Variants in WDR7 observed in about 807,000 individuals in gnomAD.
The protein encoded by WDR7 is WD repeat domain 7.
Under a neutral mutation model 169.4 loss-of-function variants are expected in WDR7, and 46 were observed. That is an observed-to-expected ratio of 0.27 (90% CI 0.21 to 0.35). WDR7 has a LOEUF of 0.35. Among genes scored for constraint, WDR7 ranks in the 10% least tolerant of loss-of-function variants. The pLI is 1.00. For synonymous variants in WDR7, 612 were observed against 666.8 expected (o/e 0.92, Z 1.27); for missense variants, 1,534 against 1,859.3 (o/e 0.83, Z 3.22).
intron 26 of WDR7, among the ~76,000 whole-genome samples, chr18:56,979,758 A>C (rs1447867967): frequency 6.7e-6 from 1 of 150,258 alleles, no homozygotes; most frequent in Non-Finnish European, 1.5e-5. Context: ...ATTTCTATTT[A>C]ATTATTATGA....
chr18:56,690,848 G>A (rs2025551788), intron 7 of WDR7, among the ~76,000 whole-genome samples: 1 of 151,792 alleles, frequency 6.6e-6, no homozygotes, highest in Non-Finnish European at 1.5e-5. Flanking sequence ...ACTAGACATA[G>A]AAATAAAACA....
chr18:57,022,232 G>C (rs2048303072), intron 27 of WDR7, among the ~76,000 whole-genome samples: 1 of 152,100 alleles, frequency 6.6e-6, no homozygotes. Flanking sequence ...TTTTTTTGGG[G>C]TCCCCCCCGC....
intron 7 of WDR7, 86 bp downstream of exon 7, chr18:56,687,060 C>T: frequency 7.8e-7 from 1 of 1,280,518 alleles, no homozygotes; most frequent in Non-Finnish European, 1.1e-6. Context: ...TAAAGAAGTA[C>T]TTGGTGCAAG....
At chr18:56,673,460 T>C (rs2025178937) in intron 2 of WDR7, among the ~76,000 whole-genome samples, 1 of 152,166 alleles carries the variant, frequency 6.6e-6, no homozygotes, top group Non-Finnish European at 1.5e-5. Flanking sequence ...TCTTAGTACG[T>C]TCATAAAGTT....
rs907472871 is a variant in WDR7 at position 56,673,650 on chromosome 18, A to G, written c.159+976A>G. On this transcript the variant is annotated intron_variant, in intron 2 of 27. Coordinates refer to ENST00000254442, the MANE Select transcript of WDR7 (RefSeq NM_015285.3). ...GGAGTTTGAGACCAGCCTGGGCAAC[A>G]TGGTGAAACCCCATCTCTACTGAAA... 3.3e-5 allele frequency among the ~76,000 whole-genome samples: 5 copies of G among 151,986 alleles called. No individual in the cohort carries two copies. In the South Asian group the frequency reaches 1.0e-3, roughly 32 times the overall value.
At chr18:56,903,663 G>A (rs374754903) in intron 21 of WDR7, among the ~76,000 whole-genome samples, 5 of 151,848 alleles carry the variant, frequency 3.3e-5, no homozygotes, top group African/African-American at 7.3e-5. Flanking sequence ...CAAGTGATGC[G>A]CACTCCTCGG....
chr18:56,797,078 G>A (rs528417139), intron 19 of WDR7, among the ~76,000 whole-genome samples: 2 of 152,264 alleles, frequency 1.3e-5, no homozygotes, highest in South Asian at 4.1e-4. Flanking sequence ...GATCCTGTGA[G>A]CCAGGTGCAT....
At chr18:56,711,360 G>T (rs1051892200) in intron 12 of WDR7, among the ~76,000 whole-genome samples, 14 of 152,118 alleles carry the variant, frequency 9.2e-5, no homozygotes, top group African/African-American at 2.6e-4. Context: ...ATTGTGGGGT[G>T]ATGTAAGGAT....
chr18:56,896,999 TA>T (rs945053157), intron 21 of WDR7, among the ~76,000 whole-genome samples: 15 of 151,828 alleles, frequency 9.9e-5, no homozygotes, highest in African/African-American at 3.4e-4. Context: ...AGAAAATGGA[TA>T]AAGGTTGAAA....
chr18:56,704,231 T>G (rs2025898246), intron 12 of WDR7, among the ~76,000 whole-genome samples: 1 of 152,198 alleles, frequency 6.6e-6, no homozygotes, highest in Non-Finnish European at 1.5e-5. Flanking sequence ...TATTCTATAC[T>G]ATTGTTTAAA....
At chr18:56,900,110 A>ATATAT (rs1568256012) in intron 21 of WDR7, among the ~76,000 whole-genome samples, 2 of 147,750 alleles carry the variant, frequency 1.4e-5, no homozygotes, top group African/African-American at 5.0e-5. Context: ...ATATATATAT[A>ATATAT]AAATTGTTAA....
chr18:56,840,278 G>T (rs958413099), intron 20 of WDR7, among the ~76,000 whole-genome samples: 6 of 151,912 alleles, frequency 3.9e-5, no homozygotes, highest in African/African-American at 1.5e-4. Context: ...TTCTAAAATG[G>T]AAGAGCAATG....
chr18:56,756,496 A>G, intron 14 of WDR7, 87 bp from the exon 15 acceptor site: 2 of 1,188,328 alleles, frequency 1.7e-6, no homozygotes, highest in Non-Finnish European at 2.3e-6. Context: ...AAGCATGTTA[A>G]TTCCTCTGAT....
chr18:56,884,561 T>C lies in WDR7; in HGVS notation c.3526+4396T>C, dbSNP rs146584223. Among the ~76,000 whole-genome samples, 1,440 of 152,280 alleles carry C rather than the reference T, an allele frequency of 9.5e-3. 23 individuals are homozygous for C. The highest frequency in any genetic ancestry group is 0.033 in the African/African-American group (1,356 of 41,534). ...GTTGCATTTGCTTTTGGGTTCTTGG[T>C]CATGAAGTCTTTCCCTAAGCCAATG... On this transcript the variant is annotated intron_variant, in intron 21 of 27. Coordinates refer to ENST00000254442, the MANE Select transcript of WDR7 (RefSeq NM_015285.3).
chr18:56,859,645 T>G (rs1175372333), intron 20 of WDR7, among the ~76,000 whole-genome samples: 1 of 152,228 alleles, frequency 6.6e-6, no homozygotes, highest in Non-Finnish European at 1.5e-5. Context: ...AATAAATGGA[T>G]GTTTGTATGA....
intron 13 of WDR7, among the ~76,000 whole-genome samples, chr18:56,719,271 A>G (rs1235333421): frequency 6.6e-6 from 1 of 152,210 alleles, no homozygotes; most frequent in Non-Finnish European, 1.5e-5. Context: ...ATTTTAAAAA[A>G]CAGAATTGCT....
Position 56,893,480 on chromosome 18 carries a change from C to A in WDR7, c.3526+13315C>A, listed in dbSNP as rs376329446. The stretch of plus-strand genomic sequence containing the variant: ...GAGGTATATAGAAACATTTTGTGAA[C>A]TTGTTTGTAGACCACCTGCCATGTC... On this transcript the variant is annotated intron_variant, in intron 21 of 27. Transcript: ENST00000254442. Among the ~76,000 whole-genome samples, 6 of 152,108 alleles carry A rather than the reference C, an allele frequency of 3.9e-5. No homozygotes were observed. In the South Asian group the frequency reaches 1.2e-3, roughly 32 times the overall value.
intron 20 of WDR7, among the ~76,000 whole-genome samples, chr18:56,863,167 A>AT (rs1462269698): frequency 6.6e-6 from 1 of 151,874 alleles, no homozygotes; most frequent in Non-Finnish European, 1.5e-5. Flanking sequence ...GTTGTTTAGT[A>AT]TATACAAAAC....
intron 21 of WDR7, among the ~76,000 whole-genome samples, chr18:56,907,953 C>A (rs1021119251): frequency 1.3e-5 from 2 of 152,106 alleles, no homozygotes; most frequent in Admixed American, 1.3e-4. Context: ...TAGGTGGGAC[C>A]GAATGGCTTT....
Sources: allele counts gnomAD v4.1 joint callset (sites outside exome capture counted in the v4.1 genomes callset), GRCh38; gene constraint gnomAD v4.1.1; transcripts MANE v1.5; gene names NCBI Gene and HGNC (gene_info 2026-07-23, HGNC 2026-07-21).